KBTBD11: variants seen among roughly 807,000 people sequenced by gnomAD.
The protein encoded by KBTBD11 is kelch repeat and BTB domain containing 11.
For missense variants in KBTBD11, 1,390 were observed against 1,001.8 expected (o/e 1.39, Z -5.23); for synonymous variants, 747 against 499.0 (o/e 1.50, Z -6.63).
intron 1 of KBTBD11, among the ~76,000 whole-genome samples, chr8:1,987,038 G>GCA (rs1233467938): frequency 3.7e-4 from 47 of 125,806 alleles, no homozygotes; most frequent in African/African-American, 1.1e-3. Context: ...AAAAAACCAC[G>GCA]CACACACACA....
At chr8:1,984,238 G>A (rs940453630) in intron 1 of KBTBD11, among the ~76,000 whole-genome samples, 1 of 151,182 alleles carries the variant, frequency 6.6e-6, no homozygotes, top group South Asian at 2.1e-4. Flanking sequence ...GGGAGTTCGG[G>A]ACCAGCCTGG....
At chr8:1,997,528 G>A (rs1464414109) in intron 1 of KBTBD11, among the ~76,000 whole-genome samples, 1 of 152,224 alleles carries the variant, frequency 6.6e-6, no homozygotes, top group Non-Finnish European at 1.5e-5. Context: ...GGAGACCCGC[G>A]GCAGGGCAGG....
chr8:2,003,532 A>G lies in KBTBD11; in HGVS notation c.*468A>G, dbSNP rs1817479541. ...GGCTTGAGATTTAAAATTATAACTG[A>G]TAAGTAAAGCTCTTTCTGATTTAGT... On this transcript the variant is annotated 3_prime_UTR_variant, in exon 2 of 2. Coordinates refer to ENST00000320248, the MANE Select transcript of KBTBD11 (RefSeq NM_014867.3). The G allele has an allele frequency of 1.8e-5, 3 of 168,808 alleles. No homozygotes were observed. The highest frequency in any genetic ancestry group is 1.3e-4 in the Admixed American group (2 of 15,318). The allele number at this position is 168,808 out of a possible 1,614,324, so 10.5% of individuals were successfully genotyped here. A position where few individuals can be genotyped will look rare whatever the true frequency, so the allele number is the denominator to read the frequency against.
Position 2,001,242 on chromosome 8 carries a change from G to C in KBTBD11, c.50G>C (p.Gly17Ala), listed in dbSNP as rs1020509994. 3 of 1,492,684 alleles carry C rather than the reference G, an allele frequency of 2.0e-6. No individual in the cohort carries two copies. The highest frequency in any genetic ancestry group is 2.7e-6 in the Non-Finnish European group (3 of 1,125,714). The allele number at this position is 1,492,684 out of a possible 1,614,324, so 92.5% of individuals were successfully genotyped here. Residue 17 changes from glycine to alanine, a missense_variant, in exon 2 of 2, where the codon GGG (glycine) becomes GCG (alanine). By Grantham distance (60) the Gly-to-Ala change is moderately conservative. Transcript: ENST00000320248. ...PCVLYPGTEPGAAGESESEGA... is the reference protein window; with the variant it reads ...PCVLYPGTEPAAAGESESEGA... The stretch of plus-strand genomic sequence containing the variant: ...GTCCTCTACCCAGGGACTGAGCCCG[G>C]GGCTGCCGGGGAGAGCGAGAGCGAG...
Position 2,004,716 on chromosome 8 carries a change from T to C in KBTBD11, c.*1652T>C, listed in dbSNP as rs1017144534. 6.0e-6 allele frequency: 1 copy of C among 167,056 alleles called. No individual in the cohort carries two copies. The highest frequency in any genetic ancestry group is 1.5e-5 in the Non-Finnish European group (1 of 68,138). The allele number at this position is 167,056 out of a possible 1,614,324, so 10.3% of individuals were successfully genotyped here. A position where few individuals can be genotyped will look rare whatever the true frequency, so the allele number is the denominator to read the frequency against. On this transcript the variant is annotated 3_prime_UTR_variant, in exon 2 of 2. Coordinates refer to ENST00000320248, the MANE Select transcript of KBTBD11 (RefSeq NM_014867.3). ...GTTACTCATGAACTGAGGGGATAGCTTGGCAACTTGGTTAATCATCTTGGG... is the reference window on the plus strand; with the variant it reads ...GTTACTCATGAACTGAGGGGATAGCCTGGCAACTTGGTTAATCATCTTGGG...
In KBTBD11 at chr8:1,996,948, C is replaced by T. The variant is rs994908550; in HGVS notation, c.-908-3337C>T. ...TATTTATATTTAATTAGCCCTTGTT[C>T]TTATGAAATGATTTCCTAATTACCA... On this transcript the variant is annotated intron_variant, in intron 1 of 1. Coordinates refer to ENST00000320248, the MANE Select transcript of KBTBD11 (RefSeq NM_014867.3). 2.0e-5 allele frequency among the ~76,000 whole-genome samples: 3 copies of T among 152,042 alleles called. 1 individual carries two copies. The highest frequency in any genetic ancestry group is 3.9e-4 in the East Asian group (2 of 5,190).
intron 1 of KBTBD11, among the ~76,000 whole-genome samples, chr8:1,992,820 C>T (rs1816967602): frequency 6.6e-6 from 1 of 150,730 alleles, no homozygotes; most frequent in Non-Finnish European, 1.5e-5. Flanking sequence ...AACTATTGAT[C>T]TCTTTTATTT....
intron 1 of KBTBD11, among the ~76,000 whole-genome samples, chr8:1,985,950 C>T (rs149487201): frequency 5.9e-5 from 9 of 152,370 alleles, no homozygotes; most frequent in African/African-American, 1.9e-4. Context: ...TTTGCATCCA[C>T]ACTCCCGCGT....
intron 1 of KBTBD11, among the ~76,000 whole-genome samples, chr8:1,990,197 CT>C (rs1189923515): frequency 6.6e-6 from 1 of 151,860 alleles, no homozygotes; most frequent in Non-Finnish European, 1.5e-5. Flanking sequence ...GATGCTGGGC[CT>C]TGGCGCCCTG....
chr8:1,979,597 C>T (rs1229733266), intron 1 of KBTBD11, among the ~76,000 whole-genome samples: 2 of 152,238 alleles, frequency 1.3e-5, no homozygotes, highest in Non-Finnish European at 2.9e-5. Flanking sequence ...CCACTGCACT[C>T]CAGCCTGGGC....
chr8:1,988,122 A>C (rs1816763492), intron 1 of KBTBD11, among the ~76,000 whole-genome samples: 1 of 152,142 alleles, frequency 6.6e-6, no homozygotes. Context: ...TTCTTTATCC[A>C]GTCTATCATT....
chr8:1,978,496 C>T (rs1055530776), intron 1 of KBTBD11, among the ~76,000 whole-genome samples: 6 of 152,158 alleles, frequency 3.9e-5, no homozygotes, highest in Non-Finnish European at 7.3e-5. Context: ...TCCATGTACT[C>T]GCTGCAGCGT....
In KBTBD11 at chr8:2,005,745, C is replaced by A. The variant is rs566623335; in HGVS notation, c.*2681C>A. The A allele has an allele frequency of 6.0e-6, 1 of 167,096 alleles. No individual in the cohort carries two copies. Among genetic ancestry groups the A allele is most frequent in the African/African-American group, 2.4e-5 (1 of 41,456 alleles). The allele number at this position is 167,096 out of a possible 1,614,324, so 10.4% of individuals were successfully genotyped here. On this transcript the variant is annotated 3_prime_UTR_variant, in exon 2 of 2. Transcript: ENST00000320248. ...CTCCTCATGAAATTAACCCGTATGC[C>A]GGGGCATTTCCAAATGTCTGACTCG...
intron 1 of KBTBD11, among the ~76,000 whole-genome samples, chr8:1,997,868 C>T (rs1033785322): frequency 6.6e-6 from 1 of 152,220 alleles, no homozygotes; most frequent in African/African-American, 2.4e-5. Flanking sequence ...AGGGGGACGG[C>T]GGCAACGACA....
chr8:2,001,655 A>G lies in KBTBD11; in HGVS notation c.463A>G (p.Lys155Glu), dbSNP rs1817365134. ...EVSGRRLRAH[K>E]AVLAARSDYF... ...GTCGGGGCGCCGGCTGCGCGCGCAC[A>G]AGGCGGTGCTGGCGGCGCGCAGCGA... Residue 155 changes from lysine to glutamate, a missense_variant, in exon 2 of 2, where the codon AAG becomes GAG. Lys to Glu is a moderately conservative substitution (Grantham distance 56). Transcript: ENST00000320248. 2 of 1,473,190 alleles carry G rather than the reference A, an allele frequency of 1.4e-6. No individual in the cohort carries two copies. The highest frequency in any genetic ancestry group is 1.8e-6 in the Non-Finnish European group (2 of 1,117,602). 91.3% of individuals were successfully genotyped at this position (1,473,190 alleles called of 1,614,324 possible).
At chr8:1,994,315 G>T (rs114927904) in intron 1 of KBTBD11, among the ~76,000 whole-genome samples, 1 of 152,212 alleles carries the variant, frequency 6.6e-6, no homozygotes, top group Admixed American at 6.5e-5. Context: ...TCAGAACTGC[G>T]CAGAGCACCC....
intron 1 of KBTBD11, among the ~76,000 whole-genome samples, chr8:1,990,065 T>C (rs1816854997): frequency 1.3e-5 from 2 of 152,100 alleles, no homozygotes; most frequent in Non-Finnish European, 2.9e-5. Context: ...AGTATTTCTG[T>C]GCATTGAGCA....
chr8:1,973,717 T>C lies in KBTBD11; in HGVS notation c.-1127T>C. Reference sequence around the variant, plus strand: ...CCCTCGCAGCCTGGAGCCGGAGCGCTGGCTCCGCGCGGCCTGGAGAGGCGG... The same window carrying C: ...CCCTCGCAGCCTGGAGCCGGAGCGCCGGCTCCGCGCGGCCTGGAGAGGCGG... On this transcript the variant is annotated 5_prime_UTR_variant, in exon 1 of 2. Transcript: ENST00000320248. 1 of 983,696 alleles carries C rather than the reference T, an allele frequency of 1.0e-6. No homozygotes were observed. The highest frequency in any genetic ancestry group is 1.2e-6 in the Non-Finnish European group (1 of 829,260). The allele number at this position is 983,696 out of a possible 1,614,324, so 60.9% of individuals were successfully genotyped here.
Position 2,002,547 on chromosome 8 carries a change from C to G in KBTBD11, c.1355C>G (p.Ala452Gly), listed in dbSNP as rs1179340140. 1 of 1,568,998 alleles carries G rather than the reference C, an allele frequency of 6.4e-7. No homozygotes were observed. The highest frequency in any genetic ancestry group is 1.1e-5 in the South Asian group (1 of 87,394). ...GGCGCCTTCGCCGTGGCGCATGAGG[C>G]CACCACCTGCCACGGCGAGATCTAC... ...PRGAFAVAHE[A>G]TTCHGEIYVS... The change falls in exon 2 of 2, where the codon GCC becomes GGC. Residue 452 changes from alanine (A) to glycine (G), a missense_variant. By Grantham distance (60) the Ala-to-Gly change is moderately conservative. Transcript: ENST00000320248. This position sits in a 1 kb window ranked among gnomAD's most constrained non-coding sequence, Gnocchi z 4.1.
Sources: allele counts gnomAD v4.1 joint callset (sites outside exome capture counted in the v4.1 genomes callset), GRCh38; gene constraint gnomAD v4.1.1; non-coding constraint Gnocchi (gnomAD v3.1); transcripts MANE v1.5; gene names NCBI Gene and HGNC (gene_info 2026-07-23, HGNC 2026-07-21).